Variants in NAALADL2 observed in about 807,000 individuals in gnomAD.
NAALADL2 encodes the protein N-acetylated alpha-linked acidic dipeptidase like 2, also known as inactive N-acetylated-alpha-linked acidic dipeptidase-like protein 2.
A neutral mutation model predicts 87.2 loss-of-function variants in NAALADL2; 76 were observed. That is an observed-to-expected ratio of 0.87 (90% CI 0.72 to 1.05). NAALADL2 has a LOEUF of 1.05. NAALADL2 is among the 50% of genes least tolerant of loss of function. The pLI, the probability that NAALADL2 is intolerant of heterozygous loss-of-function variation, is 0.00. For missense variants in NAALADL2, 1,089 were observed against 945.8 expected (o/e 1.15, Z -1.99); for synonymous variants, 354 against 331.0 (o/e 1.07, Z -0.75).
At chr3:175,167,121 A>G (rs192409514) in intron 2 of NAALADL2, among the ~76,000 whole-genome samples, 6 of 152,092 alleles carry the variant, frequency 3.9e-5, no homozygotes, top group East Asian at 3.9e-4. Context: ...GACTTTTTCT[A>G]TAAACAGATG....
At chr3:174,876,578 A>G (rs1326570109) in intron 1 of NAALADL2, among the ~76,000 whole-genome samples, 1 of 152,226 alleles carries the variant, frequency 6.6e-6, no homozygotes. Flanking sequence ...GACAACTGTC[A>G]ATATTTAAAG....
intron 2 of NAALADL2, among the ~76,000 whole-genome samples, chr3:175,190,464 C>T (rs1036294715): frequency 2.0e-5 from 3 of 152,106 alleles, no homozygotes; most frequent in African/African-American, 4.8e-5. Flanking sequence ...CATTAATTAT[C>T]AGGGATATGC....
At chr3:174,704,104 C>T (rs1487387146) in intron 2 of NAALADL2, among the ~76,000 whole-genome samples, 2 of 152,186 alleles carry the variant, frequency 1.3e-5, no homozygotes, top group Admixed American at 1.3e-4. Flanking sequence ...ATGAAGGTCA[C>T]TCACTCACTA....
chr3:175,526,590 A>G (rs528830250), intron 9 of NAALADL2, among the ~76,000 whole-genome samples: 1 of 152,230 alleles, frequency 6.6e-6, no homozygotes, highest in Non-Finnish European at 1.5e-5. Context: ...ATCTAAGCGG[A>G]CAAATATAAA....
At chr3:175,392,716 A>G (rs1195228885) in intron 5 of NAALADL2, among the ~76,000 whole-genome samples, 1 of 152,188 alleles carries the variant, frequency 6.6e-6, no homozygotes, top group East Asian at 1.9e-4. Flanking sequence ...CAACTTTGGA[A>G]TGAAAACCAA....
intron 5 of NAALADL2, among the ~76,000 whole-genome samples, chr3:175,446,238 C>CT (rs933207712): frequency 3.7e-5 from 4 of 107,048 alleles, no homozygotes; most frequent in South Asian, 3.3e-4. Context: ...ATCATGACAC[C>CT]TTTTTTTGGG....
chr3:174,646,196 C>A (rs1480316629), intron 2 of NAALADL2, among the ~76,000 whole-genome samples: 1 of 151,522 alleles, frequency 6.6e-6, no homozygotes. Context: ...AATAACTGGG[C>A]AGTTGAAAAA....
chr3:174,555,407 C>A (rs1248598505), intron 2 of NAALADL2, among the ~76,000 whole-genome samples: 1 of 152,160 alleles, frequency 6.6e-6, no homozygotes, highest in Admixed American at 6.5e-5. Context: ...TCAAGCGATT[C>A]TCCTGCCTCA....
chr3:175,202,900 G>A (rs1404743133), intron 2 of NAALADL2, among the ~76,000 whole-genome samples: 1 of 151,942 alleles, frequency 6.6e-6, no homozygotes, highest in Non-Finnish European at 1.5e-5. Flanking sequence ...GGAAGTGGGG[G>A]AAGGGTGCCA....
At chr3:175,012,419 C>T (rs867068286) in intron 1 of NAALADL2, among the ~76,000 whole-genome samples, 14 of 152,126 alleles carry the variant, frequency 9.2e-5, no homozygotes, top group South Asian at 2.1e-4. Context: ...CCGCCCACAA[C>T]GGCCTCCCAA....
intron 13 of NAALADL2, among the ~76,000 whole-genome samples, chr3:175,781,378 T>A (rs541342202): frequency 7.2e-5 from 11 of 152,212 alleles, no homozygotes; most frequent in African/African-American, 2.4e-4. Flanking sequence ...TCCTATTGCC[T>A]GGTAACATAA....
chr3:174,638,624 A>G (rs944842552), intron 2 of NAALADL2, among the ~76,000 whole-genome samples: 1 of 152,136 alleles, frequency 6.6e-6, no homozygotes, highest in Non-Finnish European at 1.5e-5. Flanking sequence ...TTATGTTAAC[A>G]CTATGAATAT....
chr3:175,690,068 T>G (rs757145244), intron 11 of NAALADL2, among the ~76,000 whole-genome samples: 9 of 151,986 alleles, frequency 5.9e-5, no homozygotes, highest in Admixed American at 3.3e-4. Context: ...ACAAAACATA[T>G]AGAGAGTATA....
At chr3:174,982,332 T>C (rs75365214) in intron 1 of NAALADL2, among the ~76,000 whole-genome samples, 2,935 of 152,086 alleles carry the variant, frequency 0.019, 80 homozygotes, top group African/African-American at 0.067. Context: ...CTAGGACTTA[T>C]AATCAATTTT....
At chr3:175,211,166 G>T (rs1055029516) in intron 2 of NAALADL2, among the ~76,000 whole-genome samples, 1 of 151,810 alleles carries the variant, frequency 6.6e-6, no homozygotes, top group Non-Finnish European at 1.5e-5. Flanking sequence ...TGGGGGCATT[G>T]CTTCAATCTA....
intron 2 of NAALADL2, among the ~76,000 whole-genome samples, chr3:175,127,887 C>A (rs990610341): frequency 6.6e-6 from 1 of 151,512 alleles, no homozygotes; most frequent in Non-Finnish European, 1.5e-5. Flanking sequence ...ATGAAAGACA[C>A]GTGATATAAA....
chr3:174,518,738 C>T (rs1190604006), intron 1 of NAALADL2, among the ~76,000 whole-genome samples: 2 of 152,136 alleles, frequency 1.3e-5, no homozygotes, highest in African/African-American at 4.8e-5. Flanking sequence ...GCCTCTTTCC[C>T]TACCCATTTG....
intron 5 of NAALADL2, among the ~76,000 whole-genome samples, chr3:175,441,136 A>T (rs1449411299): frequency 6.6e-6 from 1 of 152,024 alleles, no homozygotes; most frequent in African/African-American, 2.4e-5. Flanking sequence ...GGCTCTCCAT[A>T]TCCAGGTGTT....
At chr3:174,559,441 A>G (rs533794165) in intron 2 of NAALADL2, among the ~76,000 whole-genome samples, 1 of 152,280 alleles carries the variant, frequency 6.6e-6, no homozygotes, top group African/African-American at 2.4e-5. Flanking sequence ...TAAAGTAGAA[A>G]TTTTAGAGGC....
Sources: gnomAD v4.1 joint callset for allele counts (sites outside exome capture counted in the v4.1 genomes callset) on GRCh38, gnomAD v4.1.1 for gene constraint, MANE v1.5 for transcripts, NCBI Gene and HGNC (gene_info 2026-07-23, HGNC 2026-07-21) for gene names.